Variants in TRPC4AP observed in about 807,000 individuals in gnomAD.
TRPC4AP encodes short transient receptor potential channel 4-associated protein.
A neutral mutation model predicts 99.0 loss-of-function variants in TRPC4AP; 45 were observed. The observed-to-expected ratio is 0.45, with a 90% CI of 0.36 to 0.58. The LOEUF (loss-of-function observed/expected upper bound fraction) is 0.58. Among genes scored for constraint, TRPC4AP ranks in the 20% least tolerant of loss-of-function variants. The pLI, the probability that TRPC4AP is intolerant of heterozygous loss-of-function variation, is 0.00. For synonymous variants in TRPC4AP, 408 were observed against 385.8 expected, an observed-to-expected ratio of 1.06 and a Z score of -0.67; for missense variants, 879 against 985.3, an observed-to-expected ratio of 0.89 and a Z score of 1.44.
intron 3 of TRPC4AP, among the ~76,000 whole-genome samples, chr20:35,066,887 G>A (rs923435173): frequency 4.0e-5 from 6 of 151,874 alleles, no homozygotes; most frequent in African/African-American, 1.5e-4. Context: ...TAATCAAATC[G>A]AAAAAGGTGC....
chr20:35,036,948 C>T (rs770904647), intron 7 of TRPC4AP, among the ~76,000 whole-genome samples: 2 of 151,478 alleles, frequency 1.3e-5, no homozygotes, highest in Non-Finnish European at 2.9e-5. Flanking sequence ...TGTCTCAACG[C>T]GTGCGCACAC....
intron 7 of TRPC4AP, among the ~76,000 whole-genome samples, chr20:35,041,417 G>C (rs1048797745): frequency 6.6e-6 from 1 of 152,152 alleles, no homozygotes; most frequent in African/African-American, 2.4e-5. Flanking sequence ...ACAACCTCAT[G>C]TGTGGAACTA....
At chr20:35,081,766 C>T (rs959421330) in intron 1 of TRPC4AP, among the ~76,000 whole-genome samples, 1 of 151,998 alleles carries the variant, frequency 6.6e-6, no homozygotes, top group Non-Finnish European at 1.5e-5. Context: ...ACAGGTAGAT[C>T]ACTTAGGTCA....
intron 8 of TRPC4AP, among the ~76,000 whole-genome samples, chr20:35,022,887 GT>G (rs1259081252): frequency 6.6e-6 from 1 of 152,150 alleles, no homozygotes; most frequent in Non-Finnish European, 1.5e-5. Context: ...GCTGGGCATG[GT>G]GGCATGCGCC....
Position 35,048,210 on chromosome 20 carries a change from C to CTTTTTT in TRPC4AP, c.657+1655_657+1656insAAAAAA, listed in dbSNP as rs1487171166. ...TTTTTCATGCTGATTTGTAAGAATT[C>CTTTTTT]TGTTTTTTTTTTTTTTTTTGAGAGG... On this transcript the variant is annotated intron_variant, in intron 6 of 18. Transcript: ENST00000252015. Among the ~76,000 whole-genome samples the CTTTTTT allele has an allele frequency of 3.3e-5, 3 of 91,442 alleles. 1 individual carries two copies. Among genetic ancestry groups the CTTTTTT allele is most frequent in the African/African-American group, 3.9e-5 (1 of 25,510 alleles). 60.0% of individuals were successfully genotyped at this position (91,442 alleles called of 152,430 possible). A position where few individuals can be genotyped will look rare whatever the true frequency, so the allele number is the denominator to read the frequency against.
intron 10 of TRPC4AP, 30 bp downstream of exon 10, chr20:35,015,978 C>T: frequency 1.2e-6 from 2 of 1,613,654 alleles, no homozygotes; most frequent in Non-Finnish European, 1.7e-6. Context: ...CCAGTGAGGC[C>T]CCATCTGTCC....
chr20:35,012,950 T>C (rs2082671944), intron 11 of TRPC4AP, 58 bp downstream of exon 11: 4 of 1,573,754 alleles, frequency 2.5e-6, no homozygotes, highest in African/African-American at 1.3e-5. Context: ...GACAAGGAGA[T>C]CGAGGCCTTC....
intron 7 of TRPC4AP, among the ~76,000 whole-genome samples, chr20:35,043,537 C>T (rs778072539): frequency 7.9e-5 from 12 of 152,092 alleles, no homozygotes; most frequent in Non-Finnish European, 1.2e-4. Context: ...GTTAAGCCAC[C>T]GTGCCTGGCC....
intron 12 of TRPC4AP, among the ~76,000 whole-genome samples, chr20:35,009,875 G>A (rs775551276): frequency 6.6e-6 from 1 of 152,174 alleles, no homozygotes; most frequent in Non-Finnish European, 1.5e-5. Flanking sequence ...TAAGCAAAGG[G>A]GCTGAATGCA....
chr20:35,012,413 T>C (rs1204463213), intron 11 of TRPC4AP, among the ~76,000 whole-genome samples: 1 of 152,242 alleles, frequency 6.6e-6, no homozygotes, highest in Non-Finnish European at 1.5e-5. Flanking sequence ...CTGAGCTCAC[T>C]GAAATTCTTG....
intron 6 of TRPC4AP, among the ~76,000 whole-genome samples, chr20:35,047,325 C>T (rs992757930): frequency 3.3e-5 from 5 of 152,090 alleles, no homozygotes; most frequent in East Asian, 1.9e-4. Flanking sequence ...CTAGTTTTAT[C>T]AACAAATAAT....
intron 5 of TRPC4AP, among the ~76,000 whole-genome samples, chr20:35,052,436 G>C (rs533838459): frequency 6.6e-6 from 1 of 152,060 alleles, no homozygotes; most frequent in Non-Finnish European, 1.5e-5. Context: ...GTATCTAAAT[G>C]AGGAGCTACA....
intron 11 of TRPC4AP, 71 bp downstream of exon 11, chr20:35,012,937 C>T (rs1885117): frequency 0.19 from 285,630 of 1,519,736 alleles, 28,185 homozygotes; most frequent in Middle Eastern, 0.33. Context: ...AGGTCAGGGA[C>T]CAGACAAGGA....
At position 35,089,079 on chromosome 20, in the gene TRPC4AP, G is replaced by T. The variant is rs1346416132; in HGVS notation, c.168+3535C>A. Reference sequence around the variant, plus strand: ...ATACAGGGTTTCACCATGTTGCCCAGGCTGGTCTCAAACTCCTGGGCTCAA... The same window carrying T: ...ATACAGGGTTTCACCATGTTGCCCATGCTGGTCTCAAACTCCTGGGCTCAA... On this transcript the variant is annotated intron_variant, in intron 1 of 18. Transcript: ENST00000252015. Among the ~76,000 whole-genome samples the T allele has an allele frequency of 2.0e-5, 3 of 150,844 alleles. No individual in the cohort carries two copies. The South Asian group carries it at 6.3e-4, about 31-fold the overall frequency.
chr20:35,069,160 A>G (rs1277546080), intron 3 of TRPC4AP, 136 bp downstream of exon 3: 2 of 615,530 alleles, frequency 3.2e-6, no homozygotes, highest in Non-Finnish European at 5.8e-6. Context: ...CAACATGTAA[A>G]TGCCGCTAAG....
chr20:35,041,981 C>T (rs976878193), intron 7 of TRPC4AP, among the ~76,000 whole-genome samples: 2 of 152,178 alleles, frequency 1.3e-5, no homozygotes. Flanking sequence ...TGTACACCAG[C>T]TCTGAGGTAT....
intron 14 of TRPC4AP, among the ~76,000 whole-genome samples, chr20:35,007,340 G>A (rs2082536241): frequency 2.0e-5 from 3 of 152,184 alleles, no homozygotes; most frequent in Admixed American, 6.5e-5. Context: ...TGCATGGCCT[G>A]GCCACCCTCT....
intron 3 of TRPC4AP, among the ~76,000 whole-genome samples, chr20:35,058,832 G>A (rs916144065): frequency 6.6e-6 from 1 of 151,712 alleles, no homozygotes; most frequent in Non-Finnish European, 1.5e-5. Flanking sequence ...GGGATTACAG[G>A]TGCCTGCCAC....
chr20:35,013,670 T>C (rs978256861), intron 10 of TRPC4AP, among the ~76,000 whole-genome samples: 2 of 151,800 alleles, frequency 1.3e-5, no homozygotes, highest in Admixed American at 1.3e-4. Context: ...ACCGAGGAGT[T>C]TGGAATAGTG....
Sources: allele counts gnomAD v4.1 joint callset (sites outside exome capture counted in the v4.1 genomes callset), GRCh38; gene constraint gnomAD v4.1.1; transcripts MANE v1.5; gene names NCBI Gene and HGNC (gene_info 2026-07-23, HGNC 2026-07-21).